Variants in TSPAN14 observed in about 807,000 individuals in gnomAD.
The protein encoded by TSPAN14 is tetraspanin 14, also known as tetraspanin-14.
A neutral mutation model predicts 36.6 loss-of-function variants in TSPAN14; 16 were observed. The observed-to-expected ratio is 0.44, with a 90% CI of 0.30 to 0.66. The LOEUF (loss-of-function observed/expected upper bound fraction) is 0.66, where lower values mean the gene tolerates loss of function less well. Ranked by LOEUF, TSPAN14 falls within the 30% of genes least tolerant of loss-of-function variation. TSPAN14 has a pLI of 0.12. For missense variants in TSPAN14, 231 were observed against 355.1 expected (o/e 0.65, Z 2.81); for synonymous variants, 139 against 143.8 (o/e 0.97, Z 0.24).
chr10:80,505,689 C>T (rs1274432099), intron 3 of TSPAN14, among the ~76,000 whole-genome samples: 4 of 152,184 alleles, frequency 2.6e-5, no homozygotes, highest in East Asian at 3.9e-4. Context: ...AGCTGGGGTA[C>T]GATGTCCCTT....
Position 80,493,332 on chromosome 10 carries a change from T to C in TSPAN14, c.81+4018T>C, listed in dbSNP as rs2132020666. Reference sequence around the variant, plus strand: ...AAAATGTAAAATGGTGCAATTGCTATGGTAAACAGTATGGTAGTTCCACAA... The same window carrying C: ...AAAATGTAAAATGGTGCAATTGCTACGGTAAACAGTATGGTAGTTCCACAA... On this transcript the variant is annotated intron_variant, in intron 2 of 8. Transcript: ENST00000429989. Among the ~76,000 whole-genome samples, 3 of 152,370 alleles carry C rather than the reference T, an allele frequency of 2.0e-5. No homozygotes were observed. The South Asian group carries it at 6.2e-4, about 32-fold the overall frequency.
Position 80,476,145 on chromosome 10 carries a change from G to A in TSPAN14, c.-17-13072G>A, listed in dbSNP as rs559312620. Among the ~76,000 whole-genome samples, 3 of 152,222 alleles carry A rather than the reference G, an allele frequency of 2.0e-5. No individual in the cohort carries two copies. In the South Asian group the frequency reaches 6.2e-4, roughly 32 times the overall value. On this transcript the variant is annotated intron_variant, in intron 1 of 8. Coordinates refer to ENST00000429989, the Ensembl canonical transcript of TSPAN14. ...CAAGCATGTTGGGAGGCTGAGGCAG[G>A]CGAATTGCTTGAGCCCAGGAGTTCG...
chr10:80,492,864 A>G (rs1847995460), intron 2 of TSPAN14, among the ~76,000 whole-genome samples: 1 of 152,160 alleles, frequency 6.6e-6, no homozygotes, highest in African/African-American at 2.4e-5. Flanking sequence ...ATAGATAAAT[A>G]CCGTTTGGTA....
chr10:80,489,251 C>T (rs1408799713), exon 2 of TSPAN14: 3 of 1,584,528 alleles, frequency 1.9e-6, no homozygotes, highest in East Asian at 2.3e-5. Flanking sequence ...ATTATAGATA[C>T]TCTAACGCCA....
chr10:80,501,675 T>G (rs961531381), intron 2 of TSPAN14, among the ~76,000 whole-genome samples: 4 of 152,220 alleles, frequency 2.6e-5, no homozygotes, highest in African/African-American at 9.6e-5. Flanking sequence ...CTGGGCTTGT[T>G]CTGCTCTGAC....
chr10:80,500,101 T>C (rs1472163591), intron 2 of TSPAN14, among the ~76,000 whole-genome samples: 2 of 152,146 alleles, frequency 1.3e-5, no homozygotes, highest in African/African-American at 2.4e-5. Context: ...GGGACCGTTA[T>C]GTGAGCTCTC....
chr10:80,488,130 A>C (rs752866463), intron 1 of TSPAN14, among the ~76,000 whole-genome samples: 1 of 152,036 alleles, frequency 6.6e-6, no homozygotes, highest in Non-Finnish European at 1.5e-5. Flanking sequence ...TCACCTGGGA[A>C]GTGGGGGGTG....
chr10:80,489,322 G>T lies in TSPAN14; in HGVS notation c.81+8G>T. On this transcript the variant is annotated splice_region_variant and intron_variant, in intron 2 of 8. Transcript: ENST00000429989. ...TACAACATCATCTTCTGGGTAAGTGGATGAGAGCTGCCACATTCCCTTGTT... is the reference window on the plus strand; with the variant it reads ...TACAACATCATCTTCTGGGTAAGTGTATGAGAGCTGCCACATTCCCTTGTT... 1 of 1,529,098 alleles carries T rather than the reference G, an allele frequency of 6.5e-7. No homozygotes were observed. The highest frequency in any genetic ancestry group is 8.9e-7 in the Non-Finnish European group (1 of 1,121,848). The allele number at this position is 1,529,098 out of a possible 1,614,324, so 94.7% of individuals were successfully genotyped here. A position where few individuals can be genotyped will look rare whatever the true frequency, so the allele number is the denominator to read the frequency against.
At chr10:80,512,006 G>T in intron 5 of TSPAN14, 138 bp from the exon 6 acceptor site, 3 of 1,347,412 alleles carry the variant, frequency 2.2e-6, no homozygotes, top group Non-Finnish European at 3.1e-6. Context: ...GCACATGGGA[G>T]GTAGGGGGCG....
intron 2 of TSPAN14, among the ~76,000 whole-genome samples, chr10:80,493,601 A>G (rs753288349): frequency 5.3e-5 from 8 of 152,262 alleles, no homozygotes; most frequent in Non-Finnish European, 1.2e-4. Flanking sequence ...ATGCTACAGC[A>G]TGGGTAAACC....
At position 80,460,644 on chromosome 10, in the gene TSPAN14, C is replaced by G. The variant is rs58480022; in HGVS notation, c.-18+6273C>G. Among the ~76,000 whole-genome samples the G allele has an allele frequency of 2.7e-3, 418 of 152,270 alleles. 1 individual carries two copies. Among genetic ancestry groups the G allele is most frequent in the African/African-American group, 9.7e-3 (402 of 41,542 alleles). ...GGTGTCCCTTCTTGTAAGTGTCACT[C>G]TCTTTTTTTCCAGAAACCTTGGTCC... On this transcript the variant is annotated intron_variant, in intron 1 of 8. Coordinates refer to ENST00000429989, the Ensembl canonical transcript of TSPAN14.
chr10:80,520,765 C>T (rs1458467913), exon 9 of TSPAN14: 1 of 533,530 alleles, frequency 1.9e-6, no homozygotes, highest in Non-Finnish European at 3.8e-6. Flanking sequence ...ACCCACCATG[C>T]CCCACGTAGC....
chr10:80,519,235 T>C (rs1489743295), exon 9 of TSPAN14: 1 of 152,692 alleles, frequency 6.5e-6, no homozygotes, highest in Non-Finnish European at 1.5e-5. Context: ...GCTCAGAAGC[T>C]CCAGGCATTT....
At chr10:80,486,569 A>G (rs1449655893) in intron 1 of TSPAN14, among the ~76,000 whole-genome samples, 3 of 152,202 alleles carry the variant, frequency 2.0e-5, no homozygotes, top group Non-Finnish European at 4.4e-5. Flanking sequence ...ATGAGGTCAA[A>G]GGAGCACTCT....
At chr10:80,484,427 C>G (rs540571694) in intron 1 of TSPAN14, among the ~76,000 whole-genome samples, 1 of 152,034 alleles carries the variant, frequency 6.6e-6, no homozygotes, top group Non-Finnish European at 1.5e-5. Flanking sequence ...CAGGCTCAAG[C>G]GATTATCCCG....
intron 2 of TSPAN14, among the ~76,000 whole-genome samples, chr10:80,498,969 T>A (rs777138742): frequency 6.6e-6 from 1 of 152,184 alleles, no homozygotes; most frequent in Non-Finnish European, 1.5e-5. Flanking sequence ...GTGTGGATTG[T>A]GCAAGACCCG....
At chr10:80,522,539 T>C (rs1213909591) in exon 9 of TSPAN14, 1 of 152,034 alleles carries the variant, frequency 6.6e-6, no homozygotes, top group Non-Finnish European at 1.5e-5. Flanking sequence ...ACTACTACAA[T>C]AAATTATCAC....
intron 1 of TSPAN14, among the ~76,000 whole-genome samples, chr10:80,462,085 A>G (rs1341574813): frequency 6.6e-6 from 1 of 151,320 alleles, no homozygotes; most frequent in Non-Finnish European, 1.5e-5. Context: ...AGCTAATTTA[A>G]AGAATTTTTT....
chr10:80,510,242 G>A (rs910681705), intron 5 of TSPAN14, among the ~76,000 whole-genome samples: 1 of 152,220 alleles, frequency 6.6e-6, no homozygotes, highest in African/African-American at 2.4e-5. Context: ...TTGGTTTTGA[G>A]AAGAAAATAA....
Sources: allele counts gnomAD v4.1 joint callset (sites outside exome capture counted in the v4.1 genomes callset), GRCh38; gene constraint gnomAD v4.1.1; transcripts MANE v1.5; gene names NCBI Gene and HGNC (gene_info 2026-07-23, HGNC 2026-07-21).